The following DIAPH3 variants were observed in gnomAD, a reference collection of about 807,000 sequenced individuals.
The protein encoded by DIAPH3 is diaphanous related formin 3.
Under a neutral mutation model 144.3 loss-of-function variants are expected in DIAPH3, and 117 were observed. The observed-to-expected ratio is 0.81, with a 90% CI of 0.70 to 0.95. The LOEUF (loss-of-function observed/expected upper bound fraction) is 0.95, where lower values mean the gene tolerates loss of function less well. DIAPH3 is among the 40% of genes least tolerant of loss of function. The pLI is 0.00. For synonymous variants in DIAPH3, 519 were observed against 488.9 expected (o/e 1.06, Z -0.81); for missense variants, 1,421 against 1,412.7 (o/e 1.01, Z -0.09).
intron 3 of DIAPH3, among the ~76,000 whole-genome samples, chr13:60,108,953 C>T (rs1228992968): frequency 1.3e-5 from 2 of 151,992 alleles, no homozygotes; most frequent in Non-Finnish European, 2.9e-5. Context: ...TGTTGAGGTT[C>T]AGCATCTTTT....
intron 17 of DIAPH3, among the ~76,000 whole-genome samples, chr13:59,963,584 C>T (rs1467952609): frequency 2.7e-5 from 4 of 150,058 alleles, no homozygotes; most frequent in African/African-American, 7.4e-5. Context: ...GGTTACCATT[C>T]TAACTCTAGG....
At chr13:59,984,009 G>C in intron 12 of DIAPH3, 122 bp from the exon 13 acceptor site, 1 of 686,882 alleles carries the variant, frequency 1.5e-6, no homozygotes, top group South Asian at 1.7e-5. Context: ...AATTTCAATA[G>C]TTGACACAAC....
intron 20 of DIAPH3, among the ~76,000 whole-genome samples, chr13:59,886,242 T>C (rs1293207979): frequency 1.3e-5 from 2 of 152,006 alleles, no homozygotes; most frequent in African/African-American, 4.8e-5. Context: ...TTCATTTTAG[T>C]CCCTAAGATG....
chr13:59,883,989 C>G (rs2045264004), intron 20 of DIAPH3, among the ~76,000 whole-genome samples: 1 of 152,124 alleles, frequency 6.6e-6, no homozygotes, highest in African/African-American at 2.4e-5. Context: ...GGATCCCACA[C>G]CAGTAACTGT....
intron 5 of DIAPH3, among the ~76,000 whole-genome samples, chr13:60,037,121 T>C (rs2055287819): frequency 3.0e-5 from 1 of 33,790 alleles, no homozygotes; most frequent in African/African-American, 1.3e-4. Context: ...CAAATAGATA[T>C]TTTGAGACGT....
chr13:59,715,749 T>G (rs1231294966), intron 27 of DIAPH3, among the ~76,000 whole-genome samples: 1 of 152,234 alleles, frequency 6.6e-6, no homozygotes, highest in Non-Finnish European at 1.5e-5. Flanking sequence ...GGTGTAACTT[T>G]GAACAGGGCA....
chr13:59,913,967 A>C (rs2047114235), intron 19 of DIAPH3, among the ~76,000 whole-genome samples: 1 of 152,116 alleles, frequency 6.6e-6, no homozygotes, highest in Non-Finnish European at 1.5e-5. Flanking sequence ...AAAAAAAAAC[A>C]AAAGTAATAA....
At chr13:59,876,609 T>C (rs545572624) in intron 21 of DIAPH3, among the ~76,000 whole-genome samples, 1 of 152,308 alleles carries the variant, frequency 6.6e-6, no homozygotes, top group South Asian at 2.1e-4. Flanking sequence ...AACAGCTATT[T>C]ATTGAGTACT....
At chr13:59,951,503 C>T (rs1555340771) in intron 17 of DIAPH3, among the ~76,000 whole-genome samples, 6 of 152,084 alleles carry the variant, frequency 3.9e-5, no homozygotes, top group Non-Finnish European at 8.8e-5. Flanking sequence ...ACCTATAACA[C>T]ATATATCTTT....
chr13:60,017,666 A>T (rs187810851), intron 5 of DIAPH3, among the ~76,000 whole-genome samples: 12 of 152,350 alleles, frequency 7.9e-5, no homozygotes, highest in African/African-American at 2.9e-4. Context: ...TACAAAAAAG[A>T]AAAAGAAATT....
chr13:59,867,144 C>T (rs1206991770), intron 21 of DIAPH3, among the ~76,000 whole-genome samples: 1 of 150,522 alleles, frequency 6.6e-6, no homozygotes, highest in Non-Finnish European at 1.5e-5. Flanking sequence ...CTGAGTATCA[C>T]TCCAATACAA....
chr13:59,835,614 G>GGAACACAGGCA (rs2042007390), intron 23 of DIAPH3, among the ~76,000 whole-genome samples: 1 of 151,664 alleles, frequency 6.6e-6, no homozygotes, highest in South Asian at 2.1e-4. Flanking sequence ...GGAATTAAGT[G>GGAACACAGGCA]GAACACAGGC....
intron 4 of DIAPH3, among the ~76,000 whole-genome samples, chr13:60,065,511 C>T (rs1477704025): frequency 6.6e-6 from 1 of 152,020 alleles, no homozygotes; most frequent in Non-Finnish European, 1.5e-5. Context: ...GTAACAGTGC[C>T]TGAAACACAG....
chr13:60,054,284 T>C (rs2056473727), intron 4 of DIAPH3, among the ~76,000 whole-genome samples: 1 of 152,074 alleles, frequency 6.6e-6, no homozygotes, highest in South Asian at 2.1e-4. Context: ...GTTTGAACTT[T>C]AATTTTTAAG....
rs369413972 is a variant in DIAPH3 at position 59,971,031 on chromosome 13, G to T, written c.1780C>A (p.Pro594Thr). 2 of 1,613,706 alleles carry T rather than the reference G, an allele frequency of 1.2e-6. No homozygotes were observed. Among genetic ancestry groups the T allele is most frequent in the Non-Finnish European group, 8.5e-7 (1 of 1,179,838 alleles). The change falls in exon 16 of 28, where the codon CCA becomes ACA. Residue 594 changes from proline to threonine, a missense_variant. Coordinates refer to ENST00000400324, the MANE Select transcript of DIAPH3 (RefSeq NM_001042517.2). ...GGGVPPPPPP[P>T]PPPPLPGMRM... ...ATTCCTGGAAGTGGAGGAGGTGGTG[G>T]GGGAGGAGGTGGAGGCGGCACCCCT...
At chr13:59,819,949 T>C (rs1405131903) in intron 24 of DIAPH3, among the ~76,000 whole-genome samples, 3 of 151,904 alleles carry the variant, frequency 2.0e-5, no homozygotes, top group Non-Finnish European at 4.4e-5. Context: ...AAGGATATTT[T>C]AAGAAATAAA....
intron 27 of DIAPH3, among the ~76,000 whole-genome samples, chr13:59,733,862 C>A (rs1006204337): frequency 6.6e-6 from 1 of 152,218 alleles, no homozygotes; most frequent in Non-Finnish European, 1.5e-5. Flanking sequence ...GAAGTGAATA[C>A]CAACCAATGA....
intron 9 of DIAPH3, among the ~76,000 whole-genome samples, chr13:60,002,865 A>G (rs964092422): frequency 2.0e-5 from 3 of 152,196 alleles, no homozygotes; most frequent in African/African-American, 7.2e-5. Flanking sequence ...AATCTAGAAA[A>G]TGCTCTTGAT....
At chr13:60,142,535 G>A (rs941111191) in intron 1 of DIAPH3, among the ~76,000 whole-genome samples, 7 of 152,094 alleles carry the variant, frequency 4.6e-5, no homozygotes, top group Non-Finnish European at 2.9e-5. Flanking sequence ...TCGGAAGTTT[G>A]AGCGCCAACC....
Sources: gnomAD v4.1 joint callset for allele counts (sites outside exome capture counted in the v4.1 genomes callset) on GRCh38, gnomAD v4.1.1 for gene constraint, MANE v1.5 for transcripts, NCBI Gene and HGNC (gene_info 2026-07-23, HGNC 2026-07-21) for gene names.